The following DEPDC4 variants were observed in gnomAD, a reference collection of about 807,000 sequenced individuals.
DEPDC4 encodes DEP domain containing 4.
A neutral mutation model predicts 52.0 loss-of-function variants in DEPDC4; 52 were observed. The ratio of observed to expected loss-of-function variants is 1.00; its 90% CI spans 0.80 to 1.26. DEPDC4 has a LOEUF of 1.26. Ranked by LOEUF, DEPDC4 falls within the 50% of genes most tolerant of loss-of-function variation. The pLI, the probability that DEPDC4 is intolerant of heterozygous loss-of-function variation, is 0.00. For synonymous variants in DEPDC4, 201 were observed against 196.8 expected, an observed-to-expected ratio of 1.02 and a Z score of -0.18; for missense variants, 530 against 546.9, an observed-to-expected ratio of 0.97 and a Z score of 0.31.
chr12:100,257,465 T>C (rs1210866666), intron 3 of DEPDC4, among the ~76,000 whole-genome samples: 1 of 152,074 alleles, frequency 6.6e-6, no homozygotes, highest in East Asian at 1.9e-4. Flanking sequence ...AGCCTCTGCC[T>C]CCCAGGTTCA....
chr12:100,252,415 A>T lies in DEPDC4; in HGVS notation c.1227T>A (p.Asn409Lys), dbSNP rs1363606146. 1.3e-6 allele frequency: 2 copies of T among 1,584,112 alleles called. No homozygotes were observed. Among genetic ancestry groups the T allele is most frequent in the African/African-American group, 2.7e-5 (2 of 74,602 alleles). The change falls in exon 6 of 10, where the codon AAT (asparagine) becomes AAA (lysine). Residue 409 changes from asparagine to lysine, a missense_variant. Coordinates refer to ENST00000550587, the MANE Select transcript of DEPDC4 (RefSeq NM_001364818.2). ...TCACCTGTTTTTGCAACTTGTAGGC[A>T]TTGGGCTCTGATGCCATTGCCATAA... is the stretch of plus-strand genomic sequence containing the variant. ...LTFMAMASEP[N>K]AYKLQKQYDN... is the part of the protein sequence containing the mutation.
intron 3 of DEPDC4, 118 bp from the exon 4 acceptor site, chr12:100,256,344 T>C (rs2096232483): frequency 1.6e-6 from 1 of 630,604 alleles, no homozygotes; most frequent in Non-Finnish European, 2.6e-6. Flanking sequence ...TCAGTAGTAA[T>C]ATAATGGGTT....
intron 1 of DEPDC4, among the ~76,000 whole-genome samples, chr12:100,264,697 C>T (rs1000692366): frequency 6.6e-6 from 1 of 151,592 alleles, no homozygotes; most frequent in African/African-American, 2.4e-5. Flanking sequence ...AAAAAGTTTG[C>T]TGAAAAATGA....
At chr12:100,234,859 T>C (rs1435010836) in intron 9 of DEPDC4, among the ~76,000 whole-genome samples, 3 of 152,168 alleles carry the variant, frequency 2.0e-5, no homozygotes, top group African/African-American at 4.8e-5. Flanking sequence ...AACTTAATTC[T>C]TTTTAAGCCT....
chr12:100,234,262 A>G (rs942514446), intron 9 of DEPDC4, among the ~76,000 whole-genome samples: 5 of 152,178 alleles, frequency 3.3e-5, no homozygotes, highest in African/African-American at 1.2e-4. Context: ...AGTCAGAGAG[A>G]GATACTAGCC....
chr12:100,251,890 G>C (rs1287878409), intron 7 of DEPDC4, among the ~76,000 whole-genome samples: 1 of 151,790 alleles, frequency 6.6e-6, no homozygotes, highest in East Asian at 1.9e-4. Flanking sequence ...TGTATAGATG[G>C]GGTTTTGCTA....
chr12:100,270,436 TA>T (rs923674076), upstream of DEPDC4, among the ~76,000 whole-genome samples: 4 of 151,456 alleles, frequency 2.6e-5, no homozygotes, highest in Admixed American at 2.0e-4. Flanking sequence ...GCTACTGCTT[TA>T]AAAAAAAATT....
chr12:100,272,038 A>G (rs2096288215), upstream of DEPDC4, among the ~76,000 whole-genome samples: 1 of 152,206 alleles, frequency 6.6e-6, no homozygotes, highest in Non-Finnish European at 1.5e-5. Context: ...GTATTACAAC[A>G]GATTCACATG....
intron 8 of DEPDC4, among the ~76,000 whole-genome samples, chr12:100,247,801 C>T (rs1460082372): frequency 6.6e-6 from 1 of 152,170 alleles, no homozygotes; most frequent in East Asian, 1.9e-4. Flanking sequence ...AAAATAGCAT[C>T]TATTAGCTGA....
chr12:100,262,168 T>TA, intron 3 of DEPDC4, 96 bp downstream of exon 3: 1 of 1,247,504 alleles, frequency 8.0e-7, no homozygotes, highest in South Asian at 1.6e-5. Flanking sequence ...CTTTCTGCTC[T>TA]ATTTTGCCGT....
At chr12:100,268,029 C>G (rs1408833824), upstream of DEPDC4, among the ~76,000 whole-genome samples, 1 of 152,148 alleles carries the variant, frequency 6.6e-6, no homozygotes, top group East Asian at 1.9e-4. Context: ...ACCGATAAAG[C>G]TTGCAAAAAC....
chr12:100,236,470 G>A (rs1009028455), downstream of DEPDC4, among the ~76,000 whole-genome samples: 2 of 151,876 alleles, frequency 1.3e-5, no homozygotes, highest in African/African-American at 4.8e-5. Context: ...TCATATGTTT[G>A]TTGGTCATTT....
At chr12:100,279,354 C>T in the DEPDC4 span, among the ~76,000 whole-genome samples, 2 of 152,208 alleles carry the variant, frequency 1.3e-5, no homozygotes, top group East Asian at 1.9e-4. Context: ...AATGCTTGCT[C>T]GCCTACCGCT....
chr12:100,258,920 A>G (rs2096243849), intron 3 of DEPDC4, among the ~76,000 whole-genome samples: 3 of 152,046 alleles, frequency 2.0e-5, no homozygotes, highest in South Asian at 4.2e-4. Flanking sequence ...AAAACATAAA[A>G]ATTAGCTGTG....
the DEPDC4 span, among the ~76,000 whole-genome samples, chr12:100,281,034 T>TG: frequency 8.4e-4 from 114 of 135,640 alleles, 4 homozygotes; most frequent in African/African-American, 1.9e-3. Context: ...TTTTTTTTTT[T>TG]TTTTTTTTTT....
chr12:100,278,077 A>T, the DEPDC4 span, among the ~76,000 whole-genome samples: 15 of 152,148 alleles, frequency 9.9e-5, no homozygotes, highest in African/African-American at 3.4e-4. Context: ...ATACATTTTT[A>T]TTATTTTTGC....
At chr12:100,267,199 T>G, upstream of DEPDC4, 1 of 1,067,318 alleles carries the variant, frequency 9.4e-7, no homozygotes. Flanking sequence ...CCTCCCTTAC[T>G]CTTCGTCCCC....
Position 100,240,695 on chromosome 12 carries a change from G to GA in DEPDC4, c.*1196dup, listed in dbSNP as rs2096155045. ...AGATAACCATAAAATATGGACTGAA[G>GA]AAGAATTAGAGAGAGAAATCACAGT... On this transcript the variant is annotated 3_prime_UTR_variant, in exon 10 of 10. Transcript: ENST00000550587. Among the ~76,000 whole-genome samples, 1 of 152,120 alleles carries GA rather than the reference G, an allele frequency of 6.6e-6. No individual in the cohort carries two copies. The highest frequency in any genetic ancestry group is 2.1e-4 in the South Asian group (1 of 4,834).
chr12:100,281,019 GTTTTTT>G, the DEPDC4 span, among the ~76,000 whole-genome samples: 9 of 50,492 alleles, frequency 1.8e-4, no homozygotes, highest in African/African-American at 6.2e-4. Context: ...TACCATCAGT[GTTTTTT>G]TTTTTTTTTT....
Sources: gnomAD v4.1 joint callset for allele counts (sites outside exome capture counted in the v4.1 genomes callset) on GRCh38, gnomAD v4.1.1 for gene constraint, MANE v1.5 for transcripts, NCBI Gene and HGNC (gene_info 2026-07-23, HGNC 2026-07-21) for gene names.